The following THEMIS variants were observed in gnomAD, a reference collection of about 807,000 sequenced individuals.
THEMIS encodes thymocyte selection associated.
A neutral mutation model predicts 52.6 loss-of-function variants in THEMIS; 37 were observed. The observed-to-expected ratio is 0.70, with a 90% confidence interval of 0.54 to 0.93. The LOEUF is 0.93. THEMIS is among the 40% of genes least tolerant of loss of function. The probability of loss-of-function intolerance (pLI) is 0.00; values close to 1 mark genes in which losing one functional copy is unlikely to be tolerated. For synonymous variants in THEMIS, 292 were observed against 272.7 expected (o/e 1.07, Z -0.70); for missense variants, 808 against 763.1 (o/e 1.06, Z -0.69).
chr6:127,781,251 A>T lies in THEMIS; in HGVS notation c.1758+31632T>A, dbSNP rs116009933. On this transcript the variant is annotated intron_variant, in intron 4 of 5. Transcript: ENST00000368248. ...TGTTTTTCAGCTCCATCAGGTCATC[A>T]TGTTCTTCTCTCAAGTGGTTATTCT... Among the ~76,000 whole-genome samples, 525 of 150,786 alleles carry T rather than the reference A, an allele frequency of 3.5e-3. 2 individuals carry two copies. The highest frequency in any genetic ancestry group is 0.012 in the African/African-American group (496 of 41,260).
intron 2 of THEMIS, among the ~76,000 whole-genome samples, chr6:127,843,733 A>C (rs1779125352): frequency 6.6e-6 from 1 of 151,906 alleles, no homozygotes; most frequent in Non-Finnish European, 1.5e-5. Context: ...GTATGGTAGA[A>C]GTGATGGTAT....
intron 1 of THEMIS, among the ~76,000 whole-genome samples, chr6:127,915,244 ATTT>A (rs1312507481): frequency 1.1e-5 from 1 of 94,198 alleles, no homozygotes; most frequent in Non-Finnish European, 2.7e-5. Context: ...GTATAGTATC[ATTT>A]TGTTGTTGTT....
intron 1 of THEMIS, among the ~76,000 whole-genome samples, chr6:127,861,170 T>C (rs1410938630): frequency 6.6e-6 from 1 of 152,172 alleles, no homozygotes. Context: ...CTTTGGGAGT[T>C]GGCTTATTGT....
chr6:127,770,784 A>T (rs1293366587), intron 4 of THEMIS, among the ~76,000 whole-genome samples: 3 of 152,142 alleles, frequency 2.0e-5, no homozygotes, highest in Non-Finnish European at 4.4e-5. Flanking sequence ...TCCATCTTGA[A>T]TTAAATTTTG....
intron 2 of THEMIS, among the ~76,000 whole-genome samples, chr6:127,836,858 G>GACCTGGT (rs1380361531): frequency 4.6e-5 from 7 of 152,038 alleles, no homozygotes; most frequent in African/African-American, 1.7e-4. Flanking sequence ...TGGAAGCTTT[G>GACCTGGT]ACCTGGTACC....
At chr6:127,779,167 T>C (rs1422823047) in intron 4 of THEMIS, among the ~76,000 whole-genome samples, 4 of 152,108 alleles carry the variant, frequency 2.6e-5, no homozygotes, top group Non-Finnish European at 5.9e-5. Context: ...TTCAACGTGT[T>C]CCTCTAAGTG....
At chr6:127,899,919 A>G (rs932179499) in intron 1 of THEMIS, among the ~76,000 whole-genome samples, 1 of 147,686 alleles carries the variant, frequency 6.8e-6, no homozygotes, top group Admixed American at 6.8e-5. Flanking sequence ...ATATATATAT[A>G]TATATAATAT....
chr6:127,738,093 T>C (rs899745816), intron 4 of THEMIS, among the ~76,000 whole-genome samples: 7 of 152,168 alleles, frequency 4.6e-5, no homozygotes, highest in Non-Finnish European at 7.4e-5. Flanking sequence ...GGGTAAATCC[T>C]ACCCTGGCCT....
At chr6:127,711,214 A>C (rs1373185395) in intron 5 of THEMIS, among the ~76,000 whole-genome samples, 2 of 151,870 alleles carry the variant, frequency 1.3e-5, no homozygotes, top group African/African-American at 4.8e-5. Context: ...GAGGAGAATA[A>C]TGCCTATTGA....
At chr6:127,837,916 T>C (rs1277569728) in intron 2 of THEMIS, among the ~76,000 whole-genome samples, 1 of 152,106 alleles carries the variant, frequency 6.6e-6, no homozygotes, top group East Asian at 1.9e-4. Flanking sequence ...AAGGAATGTA[T>C]CATGATTTAC....
chr6:127,825,817 C>CT (rs1778488370), intron 3 of THEMIS, among the ~76,000 whole-genome samples: 1 of 152,000 alleles, frequency 6.6e-6, no homozygotes, highest in Non-Finnish European at 1.5e-5. Flanking sequence ...ACTGAGTGGC[C>CT]TTTTTTTATA....
At chr6:127,703,413 G>A (rs1472786656), downstream of THEMIS, among the ~76,000 whole-genome samples, 1 of 152,110 alleles carries the variant, frequency 6.6e-6, no homozygotes, top group Non-Finnish European at 1.5e-5. Context: ...CAAACACTAA[G>A]TTTACTTAGC....
intron 1 of THEMIS, among the ~76,000 whole-genome samples, chr6:127,871,985 C>G (rs1780171429): frequency 6.8e-6 from 1 of 147,970 alleles, no homozygotes; most frequent in Non-Finnish European, 1.5e-5. Context: ...ACCAGACAGA[C>G]AGCACACATC....
intron 1 of THEMIS, among the ~76,000 whole-genome samples, chr6:127,866,282 A>G (rs1349400126): frequency 6.6e-6 from 1 of 152,050 alleles, no homozygotes; most frequent in East Asian, 1.9e-4. Context: ...TATAAAGTGC[A>G]CTATTCAGTA....
chr6:127,835,678 A>G (rs993929541), intron 2 of THEMIS, among the ~76,000 whole-genome samples: 1 of 152,184 alleles, frequency 6.6e-6, no homozygotes, highest in Non-Finnish European at 1.5e-5. Flanking sequence ...TAGATATTCT[A>G]GCCTGGATCA....
intron 2 of THEMIS, among the ~76,000 whole-genome samples, chr6:127,846,123 A>C (rs1332251003): frequency 1.3e-5 from 2 of 152,030 alleles, no homozygotes; most frequent in East Asian, 3.9e-4. Context: ...TCAGTTGTCC[A>C]CTAAGCTAAC....
At chr6:127,750,181 G>C (rs1478881325) in intron 4 of THEMIS, among the ~76,000 whole-genome samples, 1 of 151,338 alleles carries the variant, frequency 6.6e-6, no homozygotes, top group African/African-American at 2.4e-5. Flanking sequence ...TTACAGAAGT[G>C]AGAAAAATTA....
Position 127,720,091 on chromosome 6 carries a change from T to C in THEMIS, c.1759-268A>G, listed in dbSNP as rs143187308. ...CTATTTGTGTATATTACTTTCTTCT[T>C]GTGAAGCTTATAAAATATTTTTCAT... is the stretch of plus-strand genomic sequence containing the variant. On this transcript the variant is annotated intron_variant, in intron 4 of 5. Transcript: ENST00000368248. Among the ~76,000 whole-genome samples, 201 of 152,092 alleles carry C rather than the reference T, an allele frequency of 1.3e-3. 1 individual carries two copies. Among genetic ancestry groups the C allele is most frequent in the African/African-American group, 4.5e-3 (188 of 41,536 alleles).
chr6:127,847,801 A>T (rs1490160034), intron 2 of THEMIS, among the ~76,000 whole-genome samples: 1 of 151,590 alleles, frequency 6.6e-6, no homozygotes, highest in Non-Finnish European at 1.5e-5. Flanking sequence ...CAATCCTAAA[A>T]TTTTTATGGA....
Sources: allele counts gnomAD v4.1 joint callset (sites outside exome capture counted in the v4.1 genomes callset), GRCh38; gene constraint gnomAD v4.1.1; transcripts MANE v1.5; gene names NCBI Gene and HGNC (gene_info 2026-07-23, HGNC 2026-07-21).